RILPL1: variants seen among roughly 807,000 people sequenced by gnomAD.
RILPL1 encodes the protein RILP-like protein 1.
Under a neutral mutation model 50.3 loss-of-function variants are expected in RILPL1, and 33 were observed. The observed-to-expected ratio is 0.66, with a 90% CI of 0.50 to 0.88. The LOEUF is 0.88. Among genes scored for constraint, RILPL1 ranks in the 40% least tolerant of loss-of-function variants. The pLI, the probability that RILPL1 is intolerant of heterozygous loss-of-function variation, is 0.00. For synonymous variants in RILPL1, 205 were observed against 228.6 expected (o/e 0.90, Z 0.93); for missense variants, 418 against 542.5 (o/e 0.77, Z 2.28).
chr12:123,525,098 C>T (rs1885203623), intron 1 of RILPL1, among the ~76,000 whole-genome samples: 1 of 152,048 alleles, frequency 6.6e-6, no homozygotes. Context: ...TGCTACTGCA[C>T]TCCAGCCTGG....
chr12:123,484,205 G>T lies in RILPL1; in HGVS notation c.1042C>A (p.Gln348Lys), dbSNP rs1882177379. 1 of 1,608,652 alleles carries T rather than the reference G, an allele frequency of 6.2e-7. No homozygotes were observed. Among genetic ancestry groups the T allele is most frequent in the South Asian group, 1.1e-5 (1 of 90,966 alleles). Residue 348 changes from glutamine to lysine, a missense_variant, in exon 6 of 7, where the codon CAG (glutamine) becomes AAG (lysine). By Grantham distance (53) the Gln-to-Lys change is moderately conservative (BLOSUM62 1). Coordinates refer to ENST00000376874, the MANE Select transcript of RILPL1 (RefSeq NM_178314.5). ...AGTCGCTTGATGCCCGACTCCGGCT[G>T]GGGGGACGTCCTCGGGTGGGCGATG... ...PPIAHPRTSP[Q>K]PESGIKRLFS...
Position 123,523,649 on chromosome 12 carries a change from CCAAGG to C in RILPL1, c.310-9_310-5del. The stretch of plus-strand genomic sequence containing the variant: ...CATCCTCCACCAGCTCCAGCTCCTG[CCAAGG>C]CAAGGGGACAGCATGGGGTCACTGC... On this transcript the variant is annotated splice_polypyrimidine_tract_variant and splice_region_variant and intron_variant, in intron 1 of 6. Coordinates refer to ENST00000376874, the MANE Select transcript of RILPL1 (RefSeq NM_178314.5). 6.2e-7 allele frequency: 1 copy of C among 1,612,814 alleles called. No homozygotes were observed. Among genetic ancestry groups the C allele is most frequent in the Non-Finnish European group, 8.5e-7 (1 of 1,179,658 alleles).
chr12:123,530,901 G>A (rs1165813661), intron 1 of RILPL1, among the ~76,000 whole-genome samples: 1 of 152,158 alleles, frequency 6.6e-6, no homozygotes, highest in African/African-American at 2.4e-5. Flanking sequence ...ATGAGTGGAA[G>A]TGAGTGAGTG....
chr12:123,483,924 T>C (rs1445598344), intron 6 of RILPL1, among the ~76,000 whole-genome samples: 1 of 152,112 alleles, frequency 6.6e-6, no homozygotes, highest in African/African-American at 2.4e-5. Context: ...AGCAAGCTCC[T>C]GAGTATCAGC....
At position 123,472,405 on chromosome 12, in the gene RILPL1, G is replaced by T; in HGVS notation, c.*133C>A. The T allele has an allele frequency of 1.1e-6, 1 of 897,800 alleles. No individual in the cohort carries two copies. Among genetic ancestry groups the T allele is most frequent in the Non-Finnish European group, 1.7e-6 (1 of 599,334 alleles). The allele number at this position is 897,800 out of a possible 1,614,324, so 55.6% of individuals were successfully genotyped here. On this transcript the variant is annotated 3_prime_UTR_variant, in exon 7 of 7. Transcript: ENST00000376874. Reference sequence around the variant, plus strand: ...TCAATGTCCATCCTCAAATCAGACAGTCTGTTTGAGGGGTCAGTTTTCAGG... The same window carrying T: ...TCAATGTCCATCCTCAAATCAGACATTCTGTTTGAGGGGTCAGTTTTCAGG...
At position 123,485,773 on chromosome 12, in the gene RILPL1, G is replaced by A. The variant is rs370215117; in HGVS notation, c.834C>T (p.Asp278=). The part of the protein sequence containing the change: ...TEPVGEESIS[D]AEKVAMDLKD... ...TGAGATCCATGGCCACCTTCTCTGC[G>A]TCGGAGATGCTCTCCTCTCCCACCG... is the stretch of plus-strand genomic sequence containing the variant. Residue 278 remains aspartate (D), a synonymous_variant, in exon 5 of 7, where the codon GAC becomes GAT. Transcript: ENST00000376874. This position sits in a 1 kb window ranked among gnomAD's most constrained non-coding sequence, Gnocchi z 4.0. The A allele has an allele frequency of 8.1e-5, 131 of 1,610,772 alleles. No individual in the cohort carries two copies. Among genetic ancestry groups the A allele is most frequent in the Middle Eastern group, 3.3e-4 (2 of 6,056 alleles).
rs546621134 is a variant in RILPL1, at chr12:123,485,480, G to A, written c.974+153C>T. Among the ~76,000 whole-genome samples, 6 of 152,320 alleles carry A rather than the reference G, an allele frequency of 3.9e-5. No individual in the cohort carries two copies. The East Asian group carries it at 1.2e-3, about 29-fold the overall frequency. ...CAAGAGTTTCAGAAAGGGGTTGTGA[G>A]CTTGTATGTAAGTTCTTTAGGCCAG... On this transcript the variant is annotated intron_variant, in intron 5 of 6. Transcript: ENST00000376874. This position sits in a 1 kb window ranked among gnomAD's most constrained non-coding sequence, Gnocchi z 4.0.
intron 2 of RILPL1, among the ~76,000 whole-genome samples, chr12:123,516,435 C>T (rs1298946943): frequency 3.3e-5 from 5 of 152,360 alleles, no homozygotes; most frequent in South Asian, 2.1e-4. Context: ...GCTGAGACCA[C>T]GGCCCTCTGC....
At chr12:123,475,453 A>G (rs996526133) in intron 6 of RILPL1, 2 of 574,452 alleles carry the variant, frequency 3.5e-6, no homozygotes, top group Admixed American at 3.0e-5. Flanking sequence ...TCGGTGACAG[A>G]GCCGAGAATT....
rs1027937518 is a variant in RILPL1, at chr12:123,491,559, A to G, written c.802-5754T>C. 6.6e-6 allele frequency among the ~76,000 whole-genome samples: 1 copy of G among 152,138 alleles called. No individual in the cohort carries two copies. Among genetic ancestry groups the G allele is most frequent in the African/African-American group, 2.4e-5 (1 of 41,446 alleles). On this transcript the variant is annotated intron_variant, in intron 4 of 6. Transcript: ENST00000376874. The surrounding 1 kb of genome is among the most constrained non-coding windows in gnomAD (Gnocchi z 4.0). ...CTTCTCAGCAGCCCCTGGCCCAGCAATGGGGAACGACTGTGCTCTGGTCAC... is the reference window on the plus strand; with the variant it reads ...CTTCTCAGCAGCCCCTGGCCCAGCAGTGGGGAACGACTGTGCTCTGGTCAC...
chr12:123,484,513 C>T (rs917783773), intron 5 of RILPL1, among the ~76,000 whole-genome samples: 3 of 152,170 alleles, frequency 2.0e-5, no homozygotes, highest in Admixed American at 6.6e-5. Context: ...ATACCTGTCA[C>T]TCCTCAACAT....
chr12:123,500,278 CTTTTT>C (rs61119415), intron 2 of RILPL1, among the ~76,000 whole-genome samples: 2 of 88,264 alleles, frequency 2.3e-5, no homozygotes, highest in African/African-American at 4.5e-5. Context: ...GTGTCCCTTT[CTTTTT>C]TTTTTTTTTT....
intron 2 of RILPL1, among the ~76,000 whole-genome samples, chr12:123,520,234 T>C (rs1382426150): frequency 6.6e-6 from 1 of 152,194 alleles, no homozygotes; most frequent in Non-Finnish European, 1.5e-5. Context: ...AGTATGGCCA[T>C]AGAACGGAAT....
intron 6 of RILPL1, among the ~76,000 whole-genome samples, chr12:123,483,609 A>G (rs1882135516): frequency 6.6e-6 from 1 of 152,218 alleles, no homozygotes; most frequent in African/African-American, 2.4e-5. Context: ...TGTTGATGCC[A>G]AGAACCACTG....
chr12:123,510,234 C>A (rs1884003610), intron 2 of RILPL1, among the ~76,000 whole-genome samples: 1 of 152,220 alleles, frequency 6.6e-6, no homozygotes, highest in African/African-American at 2.4e-5. Context: ...ATGTGGGGGG[C>A]CCGCCTGTGC....
At chr12:123,476,890 G>T (rs895169554) in intron 6 of RILPL1, among the ~76,000 whole-genome samples, 3 of 152,238 alleles carry the variant, frequency 2.0e-5, no homozygotes, top group African/African-American at 7.2e-5. Context: ...AGGGCTGTGT[G>T]TGGGGAACGA....
chr12:123,512,547 TG>T (rs1884397301), intron 2 of RILPL1, among the ~76,000 whole-genome samples: 1 of 122,786 alleles, frequency 8.1e-6, no homozygotes. Context: ...GGTCTGTGTG[TG>T]GTGTGTGTGT....
chr12:123,500,430 A>AT (rs1883306422), intron 2 of RILPL1, among the ~76,000 whole-genome samples: 1 of 151,454 alleles, frequency 6.6e-6, no homozygotes, highest in Non-Finnish European at 1.5e-5. Flanking sequence ...GGCAACAGAC[A>AT]TGTGCTACCT....
Position 123,485,322 on chromosome 12 carries a change from A to G in RILPL1, c.974+311T>C. On this transcript the variant is annotated intron_variant, in intron 5 of 6. Coordinates refer to ENST00000376874, the MANE Select transcript of RILPL1 (RefSeq NM_178314.5). This position sits in a 1 kb window ranked among gnomAD's most constrained non-coding sequence, Gnocchi z 4.0. ...GGGGCCGGGTTTCATTCATTCATTC[A>G]TTTAAAAAAAGAGATGAGGTCTCGC... 1 of 474,974 alleles carries G rather than the reference A, an allele frequency of 2.1e-6. No individual in the cohort carries two copies. Among genetic ancestry groups the G allele is most frequent in the Admixed American group, 2.6e-5 (1 of 38,122 alleles). The allele number at this position is 474,974 out of a possible 1,614,324, so 29.4% of individuals were successfully genotyped here.
Sources: gnomAD v4.1 joint callset for allele counts (sites outside exome capture counted in the v4.1 genomes callset) on GRCh38, gnomAD v4.1.1 for gene constraint, Gnocchi (gnomAD v3.1) non-coding constraint, MANE v1.5 for transcripts, NCBI Gene and HGNC (gene_info 2026-07-23, HGNC 2026-07-21) for gene names.